The following NCAM2 variants were observed in gnomAD, a reference collection of about 807,000 sequenced individuals.
The protein encoded by NCAM2 is neural cell adhesion molecule 2.
In NCAM2, 30 loss-of-function variants were observed where a neutral mutation model predicts 98.1. That is an observed-to-expected ratio of 0.31 (90% CI 0.23 to 0.41). The LOEUF (loss-of-function observed/expected upper bound fraction) is 0.41. Ranked by LOEUF, NCAM2 falls within the 10% of genes least tolerant of loss-of-function variation. NCAM2 has a pLI of 1.00. For missense variants in NCAM2, 867 were observed against 1,005.8 expected (o/e 0.86, Z 1.87); for synonymous variants, 368 against 342.4 (o/e 1.07, Z -0.83).
intron 15 of NCAM2, among the ~76,000 whole-genome samples, chr21:21,485,224 C>A (rs1986247011): frequency 6.6e-6 from 1 of 152,024 alleles, no homozygotes; most frequent in Non-Finnish European, 1.5e-5. Context: ...TAATTTTTTT[C>A]ATTAAGTGAA....
intron 12 of NCAM2, among the ~76,000 whole-genome samples, chr21:21,439,389 A>C (rs1978906227): frequency 6.6e-6 from 1 of 152,152 alleles, no homozygotes; most frequent in South Asian, 2.1e-4. Flanking sequence ...TCAGCCTCCC[A>C]AAGTGCTGGG....
Position 21,019,408 on chromosome 21 carries a change from C to T in NCAM2, c.55+20790C>T, listed in dbSNP as rs184171544. Among the ~76,000 whole-genome samples the T allele has an allele frequency of 1.4e-4, 22 of 152,198 alleles. No individual in the cohort carries two copies. In the East Asian group the frequency reaches 3.7e-3, roughly 25 times the overall value. On this transcript the variant is annotated intron_variant, in intron 1 of 17. Coordinates refer to ENST00000400546, the MANE Select transcript of NCAM2 (RefSeq NM_004540.5). ...TAGGTTTTATGATGATTAAACAGCA[C>T]GGAGTTTGAGATCTGGCAGATTTGC...
At chr21:21,178,770 T>A (rs1051360603) in intron 1 of NCAM2, among the ~76,000 whole-genome samples, 1 of 151,916 alleles carries the variant, frequency 6.6e-6, no homozygotes, top group African/African-American at 2.4e-5. Flanking sequence ...ATTACATTTT[T>A]AAAATAATAT....
chr21:21,383,245 C>G (rs1011679515), intron 9 of NCAM2, among the ~76,000 whole-genome samples: 2 of 152,142 alleles, frequency 1.3e-5, no homozygotes, highest in African/African-American at 4.8e-5. Context: ...AGCAGTGACT[C>G]AAACCTCAAG....
At chr21:21,316,927 C>T (rs1399191288) in intron 5 of NCAM2, among the ~76,000 whole-genome samples, 2 of 152,154 alleles carry the variant, frequency 1.3e-5, no homozygotes, top group African/African-American at 4.8e-5. Flanking sequence ...CCCCCCGGTG[C>T]CAAATTCAAA....
At chr21:21,278,614 A>G (rs1465915279) in intron 1 of NCAM2, among the ~76,000 whole-genome samples, 5 of 152,136 alleles carry the variant, frequency 3.3e-5, no homozygotes, top group Non-Finnish European at 5.9e-5. Context: ...TAATATCACA[A>G]CCATTCTCTG....
chr21:21,192,320 G>T (rs950444979), intron 1 of NCAM2, among the ~76,000 whole-genome samples: 1 of 152,224 alleles, frequency 6.6e-6, no homozygotes, highest in Admixed American at 6.5e-5. Context: ...AGATGGATGA[G>T]AATCATGACT....
intron 1 of NCAM2, among the ~76,000 whole-genome samples, chr21:21,041,256 A>G (rs1396420542): frequency 6.6e-6 from 1 of 152,228 alleles, no homozygotes; most frequent in Non-Finnish European, 1.5e-5. Flanking sequence ...CAGAATTAGT[A>G]CAGTCTAGCA....
At chr21:21,234,006 A>C (rs1339918300) in intron 1 of NCAM2, among the ~76,000 whole-genome samples, 1 of 151,782 alleles carries the variant, frequency 6.6e-6, no homozygotes, top group Non-Finnish European at 1.5e-5. Flanking sequence ...AGAGCGTATA[A>C]AAGTTCATAA....
chr21:21,274,347 T>G (rs947416222), intron 1 of NCAM2, among the ~76,000 whole-genome samples: 27 of 152,194 alleles, frequency 1.8e-4, no homozygotes, highest in Middle Eastern at 6.8e-3. Flanking sequence ...CTTGTTACAA[T>G]TAGAAGAAAC....
intron 1 of NCAM2, among the ~76,000 whole-genome samples, chr21:21,043,809 G>C (rs1391610404): frequency 1.3e-4 from 18 of 143,056 alleles, no homozygotes; most frequent in Non-Finnish European, 2.5e-4. Context: ...AGCCGAGTTC[G>C]TGCCACTGCA....
At chr21:21,010,675 T>G (rs2064193008) in intron 1 of NCAM2, among the ~76,000 whole-genome samples, 1 of 152,122 alleles carries the variant, frequency 6.6e-6, no homozygotes, top group South Asian at 2.1e-4. Context: ...AAGTTTCACT[T>G]GAGCTTTCCT....
chr21:21,459,963 G>A (rs368134508), intron 12 of NCAM2, among the ~76,000 whole-genome samples: 1 of 151,862 alleles, frequency 6.6e-6, no homozygotes, highest in East Asian at 1.9e-4. Flanking sequence ...TAAAAAACTG[G>A]TAAATATGAG....
intron 1 of NCAM2, among the ~76,000 whole-genome samples, chr21:21,046,326 CTTAATT>C (rs1227642970): frequency 2.0e-5 from 3 of 152,094 alleles, no homozygotes; most frequent in African/African-American, 7.2e-5. Context: ...TGTTGTTAGA[CTTAATT>C]TTAAAAGTGG....
chr21:21,197,097 G>A (rs1018791594), intron 1 of NCAM2, among the ~76,000 whole-genome samples: 1 of 152,066 alleles, frequency 6.6e-6, no homozygotes, highest in Non-Finnish European at 1.5e-5. Flanking sequence ...CTGTGAGCTA[G>A]CTAAACCTCG....
chr21:21,495,066 T>C (rs1209204541), intron 15 of NCAM2, among the ~76,000 whole-genome samples: 1 of 151,888 alleles, frequency 6.6e-6, no homozygotes, highest in Non-Finnish European at 1.5e-5. Context: ...AAGATTGTTC[T>C]AAAAGGATAG....
rs188436994 is a variant in NCAM2 at position 21,409,043 on chromosome 21, T to G, written c.1196-1231T>G. On this transcript the variant is annotated intron_variant, in intron 9 of 17. Coordinates refer to ENST00000400546, the MANE Select transcript of NCAM2 (RefSeq NM_004540.5). ...TAAATTGATAATTTTTGATGTGATA[T>G]TAAGTTCTAAGTAGTTAATATTAGT... Among the ~76,000 whole-genome samples, 44 of 152,164 alleles carry G rather than the reference T, an allele frequency of 2.9e-4. No homozygotes were observed. In the East Asian group the frequency reaches 8.1e-3, roughly 28 times the overall value.
chr21:21,154,936 G>C (rs527678094), intron 1 of NCAM2, among the ~76,000 whole-genome samples: 1 of 151,762 alleles, frequency 6.6e-6, no homozygotes, highest in Non-Finnish European at 1.5e-5. Flanking sequence ...GTGGGCTTTT[G>C]CTATGGTAAT....
chr21:21,396,559 T>C (rs1602213732), intron 9 of NCAM2, among the ~76,000 whole-genome samples: 1 of 152,172 alleles, frequency 6.6e-6, no homozygotes. Flanking sequence ...CTAGATCCCA[T>C]ACCCGCCAAG....
Sources: gnomAD v4.1 joint callset for allele counts (sites outside exome capture counted in the v4.1 genomes callset) on GRCh38, gnomAD v4.1.1 for gene constraint, MANE v1.5 for transcripts, NCBI Gene and HGNC (gene_info 2026-07-23, HGNC 2026-07-21) for gene names.